RGSL1: variants seen among roughly 807,000 people sequenced by gnomAD.
RGSL1 encodes regulator of G protein signaling protein-like.
A neutral mutation model predicts 124.7 loss-of-function variants in RGSL1; 97 were observed. The ratio of observed to expected loss-of-function variants is 0.78; its 90% CI spans 0.66 to 0.92. RGSL1 has a LOEUF of 0.92. Ranked by LOEUF, RGSL1 falls within the 40% of genes least tolerant of loss-of-function variation. The pLI, the probability that RGSL1 is intolerant of heterozygous loss-of-function variation, is 0.00. For missense variants in RGSL1, 1,233 were observed against 1,288.4 expected (o/e 0.96, Z 0.66); for synonymous variants, 424 against 438.1 (o/e 0.97, Z 0.40).
At chr1:182,483,193 C>T (rs990094485) in intron 6 of RGSL1, among the ~76,000 whole-genome samples, 4 of 151,826 alleles carry the variant, frequency 2.6e-5, no homozygotes, top group East Asian at 1.9e-4. Flanking sequence ...TATCATTTAA[C>T]GATTCTATAT....
chr1:182,489,297 T>C, intron 8 of RGSL1, 95 bp downstream of exon 8: 1 of 1,115,700 alleles, frequency 9.0e-7, no homozygotes, highest in Non-Finnish European at 1.3e-6. Context: ...GCGTCAGCAC[T>C]ATGCAGTGCA....
At chr1:182,454,876 A>G (rs1652168003) in intron 2 of RGSL1, among the ~76,000 whole-genome samples, 2 of 152,168 alleles carry the variant, frequency 1.3e-5, no homozygotes, top group African/African-American at 4.8e-5. Context: ...CTGGTGCCTT[A>G]TGAATTGTGA....
chr1:182,454,442 C>G (rs183889053), intron 2 of RGSL1, among the ~76,000 whole-genome samples: 7 of 152,306 alleles, frequency 4.6e-5, no homozygotes, highest in East Asian at 1.9e-4. Context: ...CATAGTTCCA[C>G]CTACGAAAAT....
At chr1:182,468,350 A>G (rs1210611166) in intron 4 of RGSL1, among the ~76,000 whole-genome samples, 1 of 152,212 alleles carries the variant, frequency 6.6e-6, no homozygotes, top group Non-Finnish European at 1.5e-5. Flanking sequence ...CACAATAGCA[A>G]AGACTTGGAA....
rs1657012144 is a variant in RGSL1, at chr1:182,508,413, C to CTT, written c.1826-13591_1826-13590insTT. Among the ~76,000 whole-genome samples, 5 of 148,132 alleles carry CTT rather than the reference C, an allele frequency of 3.4e-5. No homozygotes were observed. The South Asian group carries it at 1.1e-3, about 32-fold the overall frequency. ...CTCCCGGGTTCAAGTGATTCTCCTG[C>CTT]CTCAGCCTCCTGAATAGCTGGGATT... is the stretch of plus-strand genomic sequence containing the variant. On this transcript the variant is annotated intron_variant, in intron 9 of 21. Transcript: ENST00000294854.
At chr1:182,536,548 A>G (rs913381006) in intron 14 of RGSL1, among the ~76,000 whole-genome samples, 4 of 152,158 alleles carry the variant, frequency 2.6e-5, no homozygotes, top group African/African-American at 7.2e-5. Flanking sequence ...TCTGATGACT[A>G]ATGATGTTGA....
intron 12 of RGSL1, 149 bp downstream of exon 12, chr1:182,530,510 T>C (rs141827589): frequency 1.7e-5 from 11 of 645,714 alleles, no homozygotes; most frequent in Middle Eastern, 8.4e-4. Flanking sequence ...TCTTGAACTT[T>C]CCTACCTATC....
intron 15 of RGSL1, among the ~76,000 whole-genome samples, chr1:182,545,363 T>C (rs1439903505): frequency 2.6e-5 from 4 of 152,182 alleles, no homozygotes; most frequent in Non-Finnish European, 5.9e-5. Context: ...TTATCTCTTA[T>C]CAGATTGCTT....
At chr1:182,524,261 T>C (rs1205367822) in intron 10 of RGSL1, among the ~76,000 whole-genome samples, 2 of 136,508 alleles carry the variant, frequency 1.5e-5, no homozygotes, top group Non-Finnish European at 3.1e-5. Context: ...CTATATGGAT[T>C]TTTAAAATAT....
At chr1:182,498,050 T>C (rs2102134068) in intron 9 of RGSL1, among the ~76,000 whole-genome samples, 1 of 152,306 alleles carries the variant, frequency 6.6e-6, no homozygotes, top group South Asian at 2.1e-4. Flanking sequence ...CTGCCAGGAT[T>C]CTTTGTTATA....
At chr1:182,516,693 A>G (rs889779687) in intron 9 of RGSL1, among the ~76,000 whole-genome samples, 2 of 69,706 alleles carry the variant, frequency 2.9e-5, no homozygotes, top group African/African-American at 5.8e-5. Context: ...AATCTATCTT[A>G]GATCATAAAG....
intron 11 of RGSL1, among the ~76,000 whole-genome samples, 155 bp from the exon 12 acceptor site, chr1:182,530,089 A>G (rs925927922): frequency 2.6e-5 from 4 of 152,020 alleles, no homozygotes; most frequent in African/African-American, 9.7e-5. Flanking sequence ...TATGCTTTGG[A>G]GATTTTCAAA....
At chr1:182,544,464 G>C (rs1419779427) in intron 15 of RGSL1, among the ~76,000 whole-genome samples, 1 of 152,072 alleles carries the variant, frequency 6.6e-6, no homozygotes, top group Non-Finnish European at 1.5e-5. Context: ...TGTATATTCT[G>C]TAGCAGTTGG....
At position 182,519,310 on chromosome 1, in the gene RGSL1, T is replaced by C. The variant is rs183332203; in HGVS notation, c.1826-2694T>C. ...TTTCCTTTAGTGTTCATCTGAAAAA[T>C]GTCTTTATTTTGCTTTTATTTCTGA... On this transcript the variant is annotated intron_variant, in intron 9 of 21. Transcript: ENST00000294854. Among the ~76,000 whole-genome samples, 11 of 152,258 alleles carry C rather than the reference T, an allele frequency of 7.2e-5. No individual in the cohort carries two copies. The East Asian group carries it at 1.9e-3, about 27-fold the overall frequency.
rs774211894 is a variant in RGSL1 at position 182,473,569 on chromosome 1, T to A, written c.464-6T>A. On this transcript the variant is annotated splice_polypyrimidine_tract_variant and splice_region_variant and intron_variant, in intron 5 of 21. Coordinates refer to ENST00000294854, the MANE Select transcript of RGSL1 (RefSeq NM_001137669.2). ...TTCACCCATGATTTCTCTGTATTAT[T>A]TCCAGAGTCCCTCCTGAACCTCTCC... 4 of 1,522,358 alleles carry A rather than the reference T, an allele frequency of 2.6e-6. No homozygotes were observed. The highest frequency in any genetic ancestry group is 3.5e-6 in the Non-Finnish European group (4 of 1,133,324). 94.3% of individuals were successfully genotyped at this position (1,522,358 alleles called of 1,614,324 possible).
At chr1:182,468,251 G>A (rs1653515114) in intron 4 of RGSL1, among the ~76,000 whole-genome samples, 1 of 152,178 alleles carries the variant, frequency 6.6e-6, no homozygotes, top group Middle Eastern at 3.2e-3. Context: ...ATTTGACCCA[G>A]CCATCCCATT....
At chr1:182,558,286 G>A (rs537676423) in intron 21 of RGSL1, among the ~76,000 whole-genome samples, 1 of 152,206 alleles carries the variant, frequency 6.6e-6, no homozygotes, top group South Asian at 2.1e-4. Context: ...CCCAACACTA[G>A]ATCCAGGGGC....
At chr1:182,540,536 AAG>A in intron 15 of RGSL1, 115 bp downstream of exon 15, 1 of 807,008 alleles carries the variant, frequency 1.2e-6, no homozygotes. Flanking sequence ...CCTGTCCAGT[AAG>A]AGTCTCTCCT....
intron 10 of RGSL1, among the ~76,000 whole-genome samples, chr1:182,523,238 G>A (rs1442734366): frequency 1.4e-5 from 2 of 139,076 alleles, no homozygotes; most frequent in East Asian, 2.1e-4. Flanking sequence ...ACTGGGTCTT[G>A]CCCTGTTGCC....
Sources: gnomAD v4.1 joint callset for allele counts (sites outside exome capture counted in the v4.1 genomes callset) on GRCh38, gnomAD v4.1.1 for gene constraint, MANE v1.5 for transcripts, NCBI Gene and HGNC (gene_info 2026-07-23, HGNC 2026-07-21) for gene names.